CFTR: variants seen among roughly 807,000 people sequenced by gnomAD.
CFTR encodes the protein CF transmembrane conductance regulator, also known as cystic fibrosis transmembrane conductance regulator.
Under a neutral mutation model 171.6 loss-of-function variants are expected in CFTR, and 181 were observed. The observed-to-expected ratio is 1.05, with a 90% confidence interval of 0.93 to 1.19. CFTR has a LOEUF of 1.19. Ranked by LOEUF, CFTR falls within the 50% of genes most tolerant of loss-of-function variation. CFTR has a pLI of 0.00. For synonymous variants in CFTR, 583 were observed against 608.0 expected (o/e 0.96, Z 0.60); for missense variants, 1,968 against 1,734.7 (o/e 1.13, Z -2.39).
intron 22 of CFTR, among the ~76,000 whole-genome samples, chr7:117,632,227 G>T (rs1236372125): frequency 1.3e-5 from 2 of 152,146 alleles, no homozygotes; most frequent in African/African-American, 4.8e-5. Flanking sequence ...TCCCGACCAT[G>T]CTGATGCATT....
chr7:117,543,269 G>C (rs567934270), intron 9 of CFTR, among the ~76,000 whole-genome samples: 1 of 152,176 alleles, frequency 6.6e-6, no homozygotes, highest in Non-Finnish European at 1.5e-5. Context: ...TATAGTAAGA[G>C]TAATTCCCAT....
At chr7:117,575,246 G>T (rs1791753593) in intron 11 of CFTR, among the ~76,000 whole-genome samples, 6 of 151,932 alleles carry the variant, frequency 3.9e-5, no homozygotes, top group Admixed American at 6.6e-5. Context: ...TCAAATCTTT[G>T]AAAGTTCTTA....
chr7:117,496,374 T>C (rs1262463165), intron 1 of CFTR, among the ~76,000 whole-genome samples: 1 of 152,088 alleles, frequency 6.6e-6, no homozygotes, highest in Non-Finnish European at 1.5e-5. Context: ...CTGTCTAATT[T>C]ATAATTTTCT....
intron 20 of CFTR, among the ~76,000 whole-genome samples, chr7:117,613,999 C>CTTTTTTTT (rs752774658): frequency 1.9e-3 from 136 of 72,476 alleles, no homozygotes; most frequent in East Asian, 3.0e-3. Flanking sequence ...GTACAGTAAT[C>CTTTTTTTT]TTTTTTTTTT....
chr7:117,625,727 G>A (rs1381349850), intron 21 of CFTR, among the ~76,000 whole-genome samples: 1 of 152,044 alleles, frequency 6.6e-6, no homozygotes, highest in Admixed American at 6.6e-5. Context: ...TTCTTATGCA[G>A]GATAAATACA....
At chr7:117,554,188 G>A (rs1435332899) in intron 10 of CFTR, among the ~76,000 whole-genome samples, 2 of 152,168 alleles carry the variant, frequency 1.3e-5, no homozygotes, top group Non-Finnish European at 1.5e-5. Context: ...GAAGCAAGGA[G>A]ATGAGTTAGG....
At chr7:117,660,665 T>C (rs1793261402) in intron 24 of CFTR, among the ~76,000 whole-genome samples, 1 of 146,184 alleles carries the variant, frequency 6.8e-6, no homozygotes, top group Non-Finnish European at 1.5e-5. Flanking sequence ...TGGGGATATA[T>C]ATGTGTGTGT....
At chr7:117,604,086 G>T (rs985030810) in intron 17 of CFTR, among the ~76,000 whole-genome samples, 1 of 152,118 alleles carries the variant, frequency 6.6e-6, no homozygotes, top group Non-Finnish European at 1.5e-5. Context: ...ATTTGGTCTA[G>T]CTCTCTTCTG....
chr7:117,667,013 T>A lies in CFTR; in HGVS notation c.4348T>A (p.Phe1450Ile), dbSNP rs778414934. The A allele has an allele frequency of 3.7e-6, 6 of 1,614,046 alleles. No homozygotes were observed. In the South Asian group the frequency reaches 6.6e-5, roughly 18 times the overall value. Residue 1450 changes from phenylalanine to isoleucine, a missense_variant, in exon 27 of 27, where the codon TTT (phenylalanine) becomes ATT (isoleucine). By Grantham distance (21) the Phe-to-Ile change is conservative. Coordinates refer to ENST00000003084, the MANE Select transcript of CFTR (RefSeq NM_000492.4). Reference protein sequence around the residue: ...AISPSDRVKLFPHRNSSKCKS... With the variant: ...AISPSDRVKLIPHRNSSKCKS... ...CAGCCCCTCCGACAGGGTGAAGCTCTTTCCCCACCGGAACTCAAGCAAGTG... is the reference window on the plus strand; with the variant it reads ...CAGCCCCTCCGACAGGGTGAAGCTCATTCCCCACCGGAACTCAAGCAAGTG...
intron 11 of CFTR, among the ~76,000 whole-genome samples, chr7:117,570,211 A>G (rs1024655698): frequency 1.3e-5 from 2 of 151,742 alleles, no homozygotes; most frequent in African/African-American, 4.8e-5. Flanking sequence ...AAAAAAACAA[A>G]CAAAAAAACA....
In CFTR at chr7:117,548,722, A is replaced by C; in HGVS notation, c.1291A>C (p.Ser431Arg). 3 of 1,613,424 alleles carry C rather than the reference A, an allele frequency of 1.9e-6. No homozygotes were observed. Among genetic ancestry groups the C allele is most frequent in the Non-Finnish European group, 2.5e-6 (3 of 1,179,612 alleles). ...TSNGDDSLFF[S>R]NFSLLGTPVL... ...TAATGGTGATGACAGCCTCTTCTTC[A>C]GTAATTTCTCACTTCTTGGTACTCC... The change falls in exon 10 of 27, where the codon AGT becomes CGT. Residue 431 changes from serine (S) to arginine (R), a missense_variant. Transcript: ENST00000003084.
chr7:117,525,257 T>C (rs1435494076), intron 3 of CFTR, among the ~76,000 whole-genome samples: 3 of 152,068 alleles, frequency 2.0e-5, no homozygotes, highest in African/African-American at 7.2e-5. Context: ...TAGTTTGTTA[T>C]AATTTCTGTT....
Position 117,542,121 on chromosome 7 carries a change from A to T in CFTR, c.1209+13A>T. ...CTTCTGGGAGGAGGTCAGAATTTTT[A>T]AAAAATTGTTTGCTCTAAACACCTA... On this transcript the variant is annotated intron_variant, in intron 9 of 26. Coordinates refer to ENST00000003084, the MANE Select transcript of CFTR (RefSeq NM_000492.4). 1 of 1,409,886 alleles carries T rather than the reference A, an allele frequency of 7.1e-7. No individual in the cohort carries two copies. Among genetic ancestry groups the T allele is most frequent in the Non-Finnish European group, 1.0e-6 (1 of 994,250 alleles). 87.3% of individuals were successfully genotyped at this position (1,409,886 alleles called of 1,614,324 possible). A position where few individuals can be genotyped will look rare whatever the true frequency, so the allele number is the denominator to read the frequency against.
At chr7:117,648,176 A>AAT (rs1305022488) in intron 23 of CFTR, among the ~76,000 whole-genome samples, 3 of 151,150 alleles carry the variant, frequency 2.0e-5, no homozygotes, top group Non-Finnish European at 3.0e-5. Flanking sequence ...CACACACACA[A>AAT]ATATATATAT....
chr7:117,552,647 A>G (rs558526470), intron 10 of CFTR, among the ~76,000 whole-genome samples: 2 of 152,072 alleles, frequency 1.3e-5, no homozygotes, highest in Non-Finnish European at 2.9e-5. Context: ...TCCCTCATCC[A>G]ACCAAGGTAG....
At chr7:117,489,733 C>T (rs192793798) in intron 1 of CFTR, among the ~76,000 whole-genome samples, 3 of 151,662 alleles carry the variant, frequency 2.0e-5, no homozygotes, top group African/African-American at 7.2e-5. Context: ...GAATACTAAA[C>T]AAGCCTGACA....
chr7:117,553,826 C>A (rs554754389), intron 10 of CFTR, among the ~76,000 whole-genome samples: 21 of 152,184 alleles, frequency 1.4e-4, no homozygotes, highest in Admixed American at 9.2e-4. Context: ...TGAAAGGTAA[C>A]ATTTGAACAA....
At chr7:117,631,396 A>G (rs1468996971) in intron 22 of CFTR, among the ~76,000 whole-genome samples, 1 of 152,120 alleles carries the variant, frequency 6.6e-6, no homozygotes, top group South Asian at 2.1e-4. Flanking sequence ...GTTTCTATTT[A>G]TGAAGTGGCT....
chr7:117,637,270 G>C (rs1010825982), intron 22 of CFTR, among the ~76,000 whole-genome samples: 2 of 149,328 alleles, frequency 1.3e-5, no homozygotes, highest in Non-Finnish European at 3.0e-5. Context: ...TTTATTGAAA[G>C]GTGGACATGA....
Sources: allele counts gnomAD v4.1 joint callset (sites outside exome capture counted in the v4.1 genomes callset), GRCh38; gene constraint gnomAD v4.1.1; transcripts MANE v1.5; gene names NCBI Gene and HGNC (gene_info 2026-07-23, HGNC 2026-07-21).